SCAI: variants seen among roughly 807,000 people sequenced by gnomAD.
SCAI encodes the protein suppressor of cancer cell invasion.
In SCAI, 24 loss-of-function variants were observed where a neutral mutation model predicts 92.2. The ratio of observed to expected loss-of-function variants is 0.26; its 90% CI spans 0.19 to 0.37. SCAI has a LOEUF of 0.37. Ranked by LOEUF, SCAI falls within the 10% of genes least tolerant of loss-of-function variation. The pLI is 1.00. For synonymous variants in SCAI, 261 were observed against 258.6 expected, an observed-to-expected ratio of 1.01 and a Z score of -0.09; for missense variants, 450 against 736.2, an observed-to-expected ratio of 0.61 and a Z score of 4.50.
Position 124,952,662 on chromosome 9 carries a change from A to T in SCAI, c.*145T>A. On this transcript the variant is annotated 3_prime_UTR_variant, in exon 18 of 18. Transcript: ENST00000336505. ...AAACAGTTACCCTAAAAGTGTGAACATTTTTTTGTTTGTTTTTAAAATGGT... is the reference window on the plus strand; with the variant it reads ...AAACAGTTACCCTAAAAGTGTGAACTTTTTTTTGTTTGTTTTTAAAATGGT... 5 of 610,902 alleles carry T rather than the reference A, an allele frequency of 8.2e-6. No homozygotes were observed. The highest frequency in any genetic ancestry group is 1.3e-5 in the Non-Finnish European group (5 of 370,676). 37.8% of individuals were successfully genotyped at this position (610,902 alleles called of 1,614,324 possible).
intron 2 of SCAI, among the ~76,000 whole-genome samples, chr9:125,078,926 A>C (rs1262904449): frequency 1.3e-5 from 2 of 152,066 alleles, no homozygotes; most frequent in Non-Finnish European, 2.9e-5. Context: ...AAAACCAAAA[A>C]TCAAAAAACT....
At chr9:125,042,829 C>A (rs1465214143) in intron 3 of SCAI, among the ~76,000 whole-genome samples, 1 of 88,808 alleles carries the variant, frequency 1.1e-5, no homozygotes, top group Non-Finnish European at 2.3e-5. Flanking sequence ...GTTGTTAGTT[C>A]TTTTCTGGGA....
chr9:125,040,524 T>A (rs1423766728), intron 3 of SCAI, among the ~76,000 whole-genome samples: 1 of 152,226 alleles, frequency 6.6e-6, no homozygotes, highest in Non-Finnish European at 1.5e-5. Flanking sequence ...GAGAATTATA[T>A]CAATATTTAC....
At chr9:125,002,102 T>C in intron 11 of SCAI, 59 bp from the exon 12 acceptor site, 1 of 1,167,532 alleles carries the variant, frequency 8.6e-7, no homozygotes, top group Non-Finnish European at 1.3e-6. Flanking sequence ...AACATGGTTT[T>C]ATTTAAAGTT....
chr9:125,028,249 G>T, intron 5 of SCAI, 143 bp downstream of exon 5: 1 of 538,930 alleles, frequency 1.9e-6, no homozygotes, highest in Non-Finnish European at 3.2e-6. Context: ...ACATTGTCTT[G>T]ATCAATCTGG....
chr9:125,062,444 TAAAA>T (rs77722544), intron 2 of SCAI, among the ~76,000 whole-genome samples: 1 of 123,650 alleles, frequency 8.1e-6, no homozygotes. Context: ...ATATTAAAAT[TAAAA>T]AAAAAAAAAA....
rs11315934 is a variant in SCAI, at chr9:125,000,636, CTT to C, written c.1145-648_1145-647del. ...AAAAGAAGTTGCAGAATAAAATAAG[CTT>C]TTTTTTTTTTAAAGAATGAAATCTT... On this transcript the variant is annotated intron_variant, in intron 12 of 17. Transcript: ENST00000336505. Among the ~76,000 whole-genome samples the C allele has an allele frequency of 3.0e-4, 43 of 144,984 alleles. 1 individual carries two copies. The highest frequency in any genetic ancestry group is 4.2e-4 in the Non-Finnish European group (28 of 65,948).
chr9:125,055,853 C>A, intron 3 of SCAI, 23 bp downstream of exon 3: 2 of 1,565,744 alleles, frequency 1.3e-6, no homozygotes, highest in South Asian at 2.4e-5. Flanking sequence ...AAGAAAAGTT[C>A]AAAACACCAA....
chr9:124,962,600 C>CT lies in SCAI; in HGVS notation c.1674+8769dup, dbSNP rs772652008. Among the ~76,000 whole-genome samples, 21 of 152,164 alleles carry CT rather than the reference C, an allele frequency of 1.4e-4. 1 individual carries two copies. In the South Asian group the frequency reaches 2.9e-3, roughly 21 times the overall value. On this transcript the variant is annotated intron_variant, in intron 17 of 17. Coordinates refer to ENST00000336505, the MANE Select transcript of SCAI (RefSeq NM_001144877.3). ...GTGATGGCTTCACAGATTTTCTTTT[C>CT]TTTTTTTACAACACTCCTTACTGGA...
chr9:125,099,313 C>G (rs1190075583), intron 2 of SCAI, among the ~76,000 whole-genome samples: 1 of 147,918 alleles, frequency 6.8e-6, no homozygotes, highest in Non-Finnish European at 1.5e-5. Flanking sequence ...GAGACAGTAT[C>G]TCATCACTCT....
At chr9:125,066,002 T>C in intron 2 of SCAI, 1 of 770,592 alleles carries the variant, frequency 1.3e-6, no homozygotes, top group Non-Finnish European at 2.4e-6. Context: ...TTCAGTGAAA[T>C]GTTGATATCT....
chr9:125,074,373 C>G (rs956276990), intron 2 of SCAI, among the ~76,000 whole-genome samples: 3 of 151,240 alleles, frequency 2.0e-5, no homozygotes, highest in African/African-American at 7.3e-5. Context: ...TCTCCTGCCT[C>G]AGCCTCCTGA....
rs1289355487 is a variant in SCAI at position 125,143,473 on chromosome 9, G to A, written c.-36C>T. 1 of 1,334,594 alleles carries A rather than the reference G, an allele frequency of 7.5e-7. No individual in the cohort carries two copies. The highest frequency in any genetic ancestry group is 9.6e-7 in the Non-Finnish European group (1 of 1,042,506). 82.7% of individuals were successfully genotyped at this position (1,334,594 alleles called of 1,614,324 possible). On this transcript the variant is annotated 5_prime_UTR_variant, in exon 1 of 18. Coordinates refer to ENST00000336505, the MANE Select transcript of SCAI (RefSeq NM_001144877.3). ...CTCCGCCGCGGGAGCTGCTCCGGCG[G>A]CCGCAGGGCTCGCTCGGGAAGCTGA...
intron 2 of SCAI, among the ~76,000 whole-genome samples, chr9:125,114,141 G>A (rs558870875): frequency 5.9e-5 from 9 of 152,136 alleles, no homozygotes; most frequent in South Asian, 4.2e-4. Flanking sequence ...GACATCTGTC[G>A]GATACTATGC....
intron 2 of SCAI, among the ~76,000 whole-genome samples, chr9:125,069,795 G>A (rs904294522): frequency 6.6e-6 from 1 of 150,478 alleles, no homozygotes; most frequent in African/African-American, 2.4e-5. Flanking sequence ...GCTGATTTTT[G>A]TACTTTAGTA....
chr9:125,138,475 T>C (rs1296435766), intron 2 of SCAI, among the ~76,000 whole-genome samples: 1 of 151,874 alleles, frequency 6.6e-6, no homozygotes, highest in African/African-American at 2.4e-5. Context: ...AGTGCAGTGG[T>C]ATGAGCTCAG....
Position 125,020,758 on chromosome 9 carries a change from A to G in SCAI, c.524T>C (p.Val175Ala), listed in dbSNP as rs1832855341. ...QVNKEDRPELVVKKLRYYARF... is the reference protein window; with the variant it reads ...QVNKEDRPELAVKKLRYYARF... Reference sequence around the variant, plus strand: ...TGCATAATATCGTAACTTCTTAACTACCAATTCAGGTCTATGGAAGATAAA... The same window carrying G: ...TGCATAATATCGTAACTTCTTAACTGCCAATTCAGGTCTATGGAAGATAAA... Residue 175 changes from valine to alanine, a missense_variant, in exon 7 of 18, where the codon GTA becomes GCA. This residue lies in a region of SCAI where 360 missense variants were observed against 601.8 expected (regional missense o/e 0.60). Transcript: ENST00000336505. 1.4e-6 allele frequency: 2 copies of G among 1,458,442 alleles called. No homozygotes were observed. The highest frequency in any genetic ancestry group is 1.9e-6 in the Non-Finnish European group (2 of 1,058,924). The allele number at this position is 1,458,442 out of a possible 1,614,324, so 90.3% of individuals were successfully genotyped here.
At chr9:125,071,261 T>C (rs1833974075) in intron 2 of SCAI, among the ~76,000 whole-genome samples, 2 of 152,312 alleles carry the variant, frequency 1.3e-5, no homozygotes, top group South Asian at 4.1e-4. Flanking sequence ...CAGCCTGGCA[T>C]GGTGTTGTGT....
chr9:124,983,443 C>G (rs1256078794), intron 14 of SCAI, among the ~76,000 whole-genome samples: 2 of 152,194 alleles, frequency 1.3e-5, no homozygotes, highest in African/African-American at 2.4e-5. Flanking sequence ...CCACCACCTC[C>G]CGGGTTCAAG....
Sources: allele counts gnomAD v4.1 joint callset (sites outside exome capture counted in the v4.1 genomes callset), GRCh38; gene constraint gnomAD v4.1.1; regional missense constraint gnomAD v4.1.1; transcripts MANE v1.5; gene names NCBI Gene and HGNC (gene_info 2026-07-23, HGNC 2026-07-21).